NKAIN3: variants seen among roughly 807,000 people sequenced by gnomAD.
The protein encoded by NKAIN3 is sodium/potassium transporting ATPase interacting 3.
NKAIN3 carries 25 observed loss-of-function variants against 30.2 expected under a neutral mutation model. The ratio of observed to expected loss-of-function variants is 0.83; its 90% confidence interval spans 0.60 to 1.16. The LOEUF (loss-of-function observed/expected upper bound fraction) is 1.16, where lower values mean the gene tolerates loss of function less well. NKAIN3 is among the 50% of genes most tolerant of loss of function. The pLI is 0.00. For synonymous variants in NKAIN3, 91 were observed against 89.6 expected (o/e 1.02, Z -0.09); for missense variants, 225 against 254.1 (o/e 0.89, Z 0.78).
intron 1 of NKAIN3, among the ~76,000 whole-genome samples, chr8:62,550,368 T>A (rs1364997177): frequency 1.3e-5 from 2 of 152,228 alleles, no homozygotes; most frequent in Non-Finnish European, 2.9e-5. Flanking sequence ...AGATTTTAAG[T>A]TCTTTTAGGA....
intron 4 of NKAIN3, among the ~76,000 whole-genome samples, chr8:62,766,613 C>T (rs1816847970): frequency 6.6e-6 from 1 of 152,038 alleles, no homozygotes. Flanking sequence ...CCAGGACACA[C>T]AAGTGAGAAA....
chr8:62,911,542 C>G (rs1387902289), intron 4 of NKAIN3, among the ~76,000 whole-genome samples: 2 of 152,110 alleles, frequency 1.3e-5, no homozygotes, highest in East Asian at 1.9e-4. Context: ...CTATCCTTCT[C>G]CTTCCTTGCA....
chr8:62,468,935 T>G (rs1806243563), intron 1 of NKAIN3, among the ~76,000 whole-genome samples: 1 of 152,194 alleles, frequency 6.6e-6, no homozygotes, highest in Non-Finnish European at 1.5e-5. Context: ...AGACATCTAC[T>G]AGGTTGGATA....
intron 1 of NKAIN3, among the ~76,000 whole-genome samples, chr8:62,266,696 G>A (rs557101392): frequency 7.9e-5 from 12 of 152,216 alleles, no homozygotes; most frequent in East Asian, 1.9e-4. Flanking sequence ...AGGGAGAAGC[G>A]CCTCTTCCTA....
At chr8:62,655,366 T>G in intron 3 of NKAIN3, among the ~76,000 whole-genome samples, 1 of 152,188 alleles carries the variant, frequency 6.6e-6, no homozygotes, top group East Asian at 1.9e-4. Context: ...ATAATTCGAT[T>G]TTAATTTTAG....
intron 3 of NKAIN3, among the ~76,000 whole-genome samples, chr8:62,625,735 G>A (rs1029161765): frequency 5.3e-5 from 8 of 152,068 alleles, no homozygotes; most frequent in Admixed American, 2.6e-4. Context: ...GGTGGCAAAG[G>A]AGTGAAAGAG....
intron 4 of NKAIN3, among the ~76,000 whole-genome samples, chr8:62,868,768 G>C (rs948872407): frequency 6.6e-6 from 1 of 152,176 alleles, no homozygotes; most frequent in African/African-American, 2.4e-5. Context: ...ACTGGCATGA[G>C]TGTTGACTGG....
intron 5 of NKAIN3, among the ~76,000 whole-genome samples, chr8:62,937,907 G>A (rs1156782382): frequency 6.6e-6 from 1 of 152,018 alleles, no homozygotes; most frequent in African/African-American, 2.4e-5. Flanking sequence ...CATGAGAACT[G>A]ACTGAAGCCT....
chr8:62,774,371 TC>T (rs1432238109), intron 4 of NKAIN3, among the ~76,000 whole-genome samples: 1 of 152,220 alleles, frequency 6.6e-6, no homozygotes, highest in African/African-American at 2.4e-5. Flanking sequence ...CTTAACTTAT[TC>T]CTTTCCAATT....
At chr8:62,579,451 T>G (rs903173678) in intron 1 of NKAIN3, 88 bp from the exon 2 acceptor site, 8 of 1,005,308 alleles carry the variant, frequency 8.0e-6, no homozygotes, top group Non-Finnish European at 1.1e-5. Flanking sequence ...AAGTTGAATA[T>G]GCAGACTCCT....
At chr8:62,506,332 A>G (rs1013733745) in intron 1 of NKAIN3, among the ~76,000 whole-genome samples, 11 of 152,020 alleles carry the variant, frequency 7.2e-5, no homozygotes, top group African/African-American at 2.4e-4. Flanking sequence ...AGCAAATTGC[A>G]GGATGTAATT....
At chr8:62,531,065 T>C (rs1808473132) in intron 1 of NKAIN3, among the ~76,000 whole-genome samples, 1 of 152,184 alleles carries the variant, frequency 6.6e-6, no homozygotes, top group African/African-American at 2.4e-5. Flanking sequence ...TCTCTCTCTC[T>C]GCCCACATCG....
At chr8:62,741,520 T>G (rs1423369230) in intron 3 of NKAIN3, among the ~76,000 whole-genome samples, 1 of 152,188 alleles carries the variant, frequency 6.6e-6, no homozygotes, top group African/African-American at 2.4e-5. Context: ...AAGGAAGACC[T>G]TCTTATCACC....
intron 3 of NKAIN3, among the ~76,000 whole-genome samples, chr8:62,661,611 C>G (rs1298112075): frequency 6.6e-6 from 1 of 152,142 alleles, no homozygotes; most frequent in Non-Finnish European, 1.5e-5. Context: ...CTCCCTCCCT[C>G]TCTCTTCCTC....
At chr8:62,387,024 G>T (rs1357923364) in intron 1 of NKAIN3, among the ~76,000 whole-genome samples, 1 of 152,102 alleles carries the variant, frequency 6.6e-6, no homozygotes, top group Non-Finnish European at 1.5e-5. Context: ...AGGTCATAGT[G>T]ACTATACTAT....
chr8:62,491,390 C>T (rs762706129), intron 1 of NKAIN3, among the ~76,000 whole-genome samples: 1 of 152,140 alleles, frequency 6.6e-6, no homozygotes, highest in Admixed American at 6.5e-5. Context: ...TGATTCCTAC[C>T]TATTCATAAG....
At chr8:62,938,681 C>A (rs1822859554) in intron 5 of NKAIN3, among the ~76,000 whole-genome samples, 1 of 152,068 alleles carries the variant, frequency 6.6e-6, no homozygotes, top group Admixed American at 6.6e-5. Context: ...TTAGGAAGCC[C>A]CACCCCTACG....
intron 1 of NKAIN3, among the ~76,000 whole-genome samples, chr8:62,502,632 T>C (rs1224365269): frequency 6.6e-6 from 1 of 152,176 alleles, no homozygotes; most frequent in African/African-American, 2.4e-5. Flanking sequence ...GTATTCTCTG[T>C]CCCTATGTGT....
chr8:62,870,387 G>A (rs1820589019), intron 4 of NKAIN3, among the ~76,000 whole-genome samples: 1 of 133,106 alleles, frequency 7.5e-6, no homozygotes. Flanking sequence ...CACTATATAT[G>A]TACAATATAC....
Sources: allele counts gnomAD v4.1 joint callset (sites outside exome capture counted in the v4.1 genomes callset), GRCh38; gene constraint gnomAD v4.1.1; transcripts MANE v1.5; gene names NCBI Gene and HGNC (gene_info 2026-07-23, HGNC 2026-07-21).